UBE2E2: variants seen among roughly 807,000 people sequenced by gnomAD.
UBE2E2 encodes ubiquitin conjugating enzyme E2 E2.
A neutral mutation model predicts 24.7 loss-of-function variants in UBE2E2; 6 were observed. The observed-to-expected ratio is 0.24, with a 90% confidence interval of 0.13 to 0.48. UBE2E2 has a LOEUF of 0.48. Ranked by LOEUF, UBE2E2 falls within the 20% of genes least tolerant of loss-of-function variation. The pLI is 0.99. For synonymous variants in UBE2E2, 104 were observed against 83.6 expected (o/e 1.24, Z -1.33); for missense variants, 169 against 245.0 (o/e 0.69, Z 2.07).
chr3:23,421,078 T>C (rs1305379185), intron 3 of UBE2E2, among the ~76,000 whole-genome samples: 1 of 152,258 alleles, frequency 6.6e-6, no homozygotes, highest in Admixed American at 6.5e-5. Flanking sequence ...AGGGACATGA[T>C]CTACTTTCTA....
intron 3 of UBE2E2, among the ~76,000 whole-genome samples, chr3:23,483,120 G>T (rs1010062798): frequency 2.6e-5 from 4 of 152,096 alleles, no homozygotes; most frequent in African/African-American, 9.7e-5. Context: ...TGCTGCTATG[G>T]TCTTCTGTAT....
intron 5 of UBE2E2, among the ~76,000 whole-genome samples, chr3:23,563,297 A>T (rs1695982066): frequency 6.6e-6 from 1 of 152,176 alleles, no homozygotes; most frequent in African/African-American, 2.4e-5. Flanking sequence ...TTCAAAGAAC[A>T]TCTTTATTTC....
chr3:23,407,840 AT>A lies in UBE2E2; in HGVS notation c.228-91766del, dbSNP rs1041575448. On this transcript the variant is annotated intron_variant, in intron 3 of 5. Transcript: ENST00000396703. The surrounding 1 kb of genome is among the most constrained non-coding windows in gnomAD (Gnocchi z 4.0). ...ACCAATAATATAGGAAATATAAAAA[AT>A]TCTGTTTCCCAAAGATTTCTGATTC... is the stretch of plus-strand genomic sequence containing the variant. 1.1e-4 allele frequency among the ~76,000 whole-genome samples: 16 copies of A among 152,214 alleles called. No homozygotes were observed. Among genetic ancestry groups the A allele is most frequent in the African/African-American group, 3.9e-4 (16 of 41,520 alleles).
intron 3 of UBE2E2, among the ~76,000 whole-genome samples, chr3:23,347,768 T>G (rs1165185481): frequency 1.4e-4 from 22 of 152,142 alleles, no homozygotes; most frequent in Non-Finnish European, 2.9e-4. Context: ...TTAATCTCCC[T>G]CTCACCAACT....
At position 23,367,142 on chromosome 3, in the gene UBE2E2, C is replaced by A. The variant is rs544679445; in HGVS notation, c.228-132466C>A. Among the ~76,000 whole-genome samples the A allele has an allele frequency of 1.1e-4, 16 of 152,250 alleles. No homozygotes were observed. The South Asian group carries it at 3.3e-3, about 32-fold the overall frequency. On this transcript the variant is annotated intron_variant, in intron 3 of 5. Transcript: ENST00000396703. ...ATCCCTTTAATGGATTTCATGAAAT[C>A]TTTTAAGTGATTTTCAGTTTCATTA...
intron 4 of UBE2E2, among the ~76,000 whole-genome samples, chr3:23,507,425 C>T (rs750541344): frequency 6.6e-6 from 1 of 152,190 alleles, no homozygotes; most frequent in Admixed American, 6.5e-5. Context: ...ATTTTGATGT[C>T]ACTCCTTTAA....
At position 23,314,222 on chromosome 3, in the gene UBE2E2, G is replaced by T. The variant is rs535276611; in HGVS notation, c.227+96910G>T. Among the ~76,000 whole-genome samples the T allele has an allele frequency of 5.9e-5, 9 of 152,036 alleles. No individual in the cohort carries two copies. The South Asian group carries it at 1.7e-3, about 28-fold the overall frequency. ...CAGCTCACTGTGGCCTTGATTTCCC[G>T]GTTTCAAGTGATGCCCCCACCTCAG... is the stretch of plus-strand genomic sequence containing the variant. On this transcript the variant is annotated intron_variant, in intron 3 of 5. Coordinates refer to ENST00000396703, the MANE Select transcript of UBE2E2 (RefSeq NM_152653.4).
At chr3:23,383,761 G>A (rs904683957) in intron 3 of UBE2E2, among the ~76,000 whole-genome samples, 5 of 151,856 alleles carry the variant, frequency 3.3e-5, no homozygotes, top group African/African-American at 9.7e-5. Context: ...TTTCTCTGAA[G>A]CTTGATGATA....
At chr3:23,211,483 TGG>T (rs969348064) in intron 2 of UBE2E2, among the ~76,000 whole-genome samples, 1 of 150,588 alleles carries the variant, frequency 6.6e-6, no homozygotes, top group Admixed American at 6.6e-5. Flanking sequence ...CTCCAACTCC[TGG>T]GCTCATTCAG....
At position 23,571,280 on chromosome 3, in the gene UBE2E2, C is replaced by CTCTTTTTTTTTTTTTTTTTTTTT. The variant is rs1696217145; in HGVS notation, c.509-18453_509-18452insCTTTTTTTTTTTTTTTTTTTTTT. On this transcript the variant is annotated intron_variant, in intron 5 of 5. Coordinates refer to ENST00000396703, the MANE Select transcript of UBE2E2 (RefSeq NM_152653.4). ...AGTCCCCTCACCTGTGTGCTCCTTT[C>CTCTTTTTTTTTTTTTTTTTTTTT]TTTTTTTTTTTTTTTTTTTTTTTTT... 5.0e-4 allele frequency among the ~76,000 whole-genome samples: 15 copies of CTCTTTTTTTTTTTTTTTTTTTTT among 29,866 alleles called. 2 individuals are homozygous for CTCTTTTTTTTTTTTTTTTTTTTT. Among genetic ancestry groups the CTCTTTTTTTTTTTTTTTTTTTTT allele is most frequent in the Admixed American group, 1.4e-3 (2 of 1,458 alleles). 19.6% of individuals were successfully genotyped at this position (29,866 alleles called of 152,430 possible). A position where few individuals can be genotyped will look rare whatever the true frequency, so the allele number is the denominator to read the frequency against.
intron 3 of UBE2E2, among the ~76,000 whole-genome samples, chr3:23,453,718 T>C (rs1698616765): frequency 6.6e-6 from 1 of 152,212 alleles, no homozygotes; most frequent in African/African-American, 2.4e-5. Flanking sequence ...ACATTTGTCA[T>C]TATAGATTTT....
intron 5 of UBE2E2, among the ~76,000 whole-genome samples, chr3:23,536,745 A>G (rs753755341): frequency 9.9e-5 from 15 of 152,226 alleles, no homozygotes; most frequent in Non-Finnish European, 2.2e-4. Context: ...AGGAATATGG[A>G]AGATACTGAG....
Position 23,559,010 on chromosome 3 carries a change from A to G in UBE2E2, c.508+26309A>G, listed in dbSNP as rs767362042. On this transcript the variant is annotated intron_variant, in intron 5 of 5. Coordinates refer to ENST00000396703, the MANE Select transcript of UBE2E2 (RefSeq NM_152653.4). ...TAAGAAATTCTAATGAGGTTAGTCA[A>G]ATAAGTCACTGGAAAACTGAAGTCT... 7.9e-5 allele frequency among the ~76,000 whole-genome samples: 12 copies of G among 152,340 alleles called. No individual in the cohort carries two copies. The South Asian group carries it at 8.3e-4, about 11-fold the overall frequency.
At chr3:23,439,070 G>T (rs1176153132) in intron 3 of UBE2E2, among the ~76,000 whole-genome samples, 1 of 152,178 alleles carries the variant, frequency 6.6e-6, no homozygotes, top group Non-Finnish European at 1.5e-5. Context: ...AATCAGAGTA[G>T]AATGCAAAAT....
chr3:23,420,333 TAATAA>T (rs1409067591), intron 3 of UBE2E2, among the ~76,000 whole-genome samples: 1 of 152,216 alleles, frequency 6.6e-6, no homozygotes, highest in Admixed American at 6.5e-5. Context: ...ATATCTTCTT[TAATAA>T]AATGAGGGAA....
At chr3:23,294,203 A>G (rs965307579) in intron 3 of UBE2E2, among the ~76,000 whole-genome samples, 2 of 152,244 alleles carry the variant, frequency 1.3e-5, no homozygotes, top group African/African-American at 2.4e-5. Context: ...TATTTAAATA[A>G]CCTTGGCAGA....
intron 3 of UBE2E2, among the ~76,000 whole-genome samples, chr3:23,498,135 T>G (rs1243905681): frequency 2.6e-5 from 4 of 152,182 alleles, no homozygotes; most frequent in Non-Finnish European, 5.9e-5. Flanking sequence ...TTTTAGTTGA[T>G]TCTTAGGAAC....
chr3:23,262,224 T>C (rs1259278679), intron 3 of UBE2E2, among the ~76,000 whole-genome samples: 1 of 152,222 alleles, frequency 6.6e-6, no homozygotes, highest in East Asian at 1.9e-4. Flanking sequence ...ATTTTTTTCA[T>C]GTACGTGTTG....
At chr3:23,297,880 TA>T (rs1281474590) in intron 3 of UBE2E2, among the ~76,000 whole-genome samples, 1 of 152,086 alleles carries the variant, frequency 6.6e-6, no homozygotes, top group East Asian at 1.9e-4. Context: ...CCTTGGGCAG[TA>T]TGGCCATTTT....
Sources: allele counts gnomAD v4.1 joint callset (sites outside exome capture counted in the v4.1 genomes callset), GRCh38; gene constraint gnomAD v4.1.1; non-coding constraint Gnocchi (gnomAD v3.1); transcripts MANE v1.5; gene names NCBI Gene and HGNC (gene_info 2026-07-23, HGNC 2026-07-21).